The following ATP8A2 variants were observed in gnomAD, a reference collection of about 807,000 sequenced individuals.
ATP8A2 encodes ATPase phospholipid transporting 8A2.
A neutral mutation model predicts 165.6 loss-of-function variants in ATP8A2; 100 were observed. The observed-to-expected ratio is 0.60, with a 90% CI of 0.51 to 0.71. The LOEUF (loss-of-function observed/expected upper bound fraction) is 0.71, where lower values mean the gene tolerates loss of function less well. ATP8A2 is among the 30% of genes least tolerant of loss of function. The probability of loss-of-function intolerance (pLI) is 0.00; values close to 1 mark genes in which losing one functional copy is unlikely to be tolerated. For missense variants in ATP8A2, 1,227 were observed against 1,479.5 expected (o/e 0.83, Z 2.80); for synonymous variants, 543 against 548.8 (o/e 0.99, Z 0.15).
chr13:25,802,145 A>C (rs1022745404), intron 27 of ATP8A2, among the ~76,000 whole-genome samples: 2 of 152,238 alleles, frequency 1.3e-5, no homozygotes, highest in Non-Finnish European at 2.9e-5. Flanking sequence ...GAACTTTAAA[A>C]AGTTTTGCCT....
intron 29 of ATP8A2, among the ~76,000 whole-genome samples, chr13:25,838,429 A>G (rs1178253581): frequency 6.6e-6 from 1 of 152,182 alleles, no homozygotes; most frequent in African/African-American, 2.4e-5. Context: ...CGTTAATGGG[A>G]AAATATGACC....
intron 32 of ATP8A2, among the ~76,000 whole-genome samples, chr13:25,861,522 G>T (rs1002977147): frequency 6.6e-6 from 1 of 152,202 alleles, no homozygotes; most frequent in Admixed American, 6.5e-5. Flanking sequence ...TGACCTGGCT[G>T]CTGTTTAAAT....
intron 27 of ATP8A2, among the ~76,000 whole-genome samples, chr13:25,789,286 G>A (rs557981737): frequency 3.3e-5 from 5 of 152,134 alleles, no homozygotes; most frequent in South Asian, 4.2e-4. Context: ...AACTTGTTTC[G>A]AATTTTGTAA....
chr13:25,595,133 A>T (rs1002750205), intron 24 of ATP8A2, among the ~76,000 whole-genome samples: 1 of 152,100 alleles, frequency 6.6e-6, no homozygotes, highest in Non-Finnish European at 1.5e-5. Flanking sequence ...ATTGTGAAAC[A>T]TAAGAGATTT....
At chr13:25,859,930 TA>T (rs1433589684) in intron 30 of ATP8A2, among the ~76,000 whole-genome samples, 1 of 152,204 alleles carries the variant, frequency 6.6e-6, no homozygotes, top group African/African-American at 2.4e-5. Flanking sequence ...TTTTAATGTT[TA>T]CAAAAATGTA....
chr13:25,534,987 A>G (rs1461845186), intron 6 of ATP8A2, among the ~76,000 whole-genome samples: 1 of 152,168 alleles, frequency 6.6e-6, no homozygotes, highest in East Asian at 1.9e-4. Context: ...GAGAGAGGCA[A>G]CTAACCTAAC....
intron 24 of ATP8A2, among the ~76,000 whole-genome samples, chr13:25,643,585 T>C (rs1334438319): frequency 6.6e-6 from 1 of 152,146 alleles, no homozygotes; most frequent in Non-Finnish European, 1.5e-5. Context: ...ATTGACCGTA[T>C]ATGTGAGTTC....
chr13:25,513,416 C>T (rs1464370167), intron 2 of ATP8A2, among the ~76,000 whole-genome samples: 7 of 143,092 alleles, frequency 4.9e-5, no homozygotes, highest in South Asian at 2.2e-4. Context: ...CGGGAAGAGG[C>T]GCTCCTCACT....
chr13:26,020,274 CATT>C lies in ATP8A2; in HGVS notation c.*292_*294del. On this transcript the variant is annotated 3_prime_UTR_variant, in exon 37 of 37. Transcript: ENST00000381655. The stretch of plus-strand genomic sequence containing the variant: ...GCTCTGTGAGGTGTGAAATTAAAAA[CATT>C]ATGTTTCACCAATATTTAAACATCA... 1 of 394,198 alleles carries C rather than the reference CATT, an allele frequency of 2.5e-6. No homozygotes were observed. Among genetic ancestry groups the C allele is most frequent in the Admixed American group, 4.2e-5 (1 of 23,540 alleles). The allele number at this position is 394,198 out of a possible 1,614,324, so 24.4% of individuals were successfully genotyped here.
rs149066114 is a variant in ATP8A2 at position 25,520,847 on chromosome 13, C to G, written c.222-9152C>G. Among the ~76,000 whole-genome samples, 747 of 152,190 alleles carry G rather than the reference C, an allele frequency of 4.9e-3. 14 individuals carry two copies. Among genetic ancestry groups the G allele is most frequent in the African/African-American group, 0.016 (665 of 41,538 alleles). On this transcript the variant is annotated intron_variant, in intron 2 of 36. Transcript: ENST00000381655. ...GCCAGGATGGTCTCGATTTCCTGAC[C>G]TCGTGGTCTGCCCGCCTTGGCCTCC...
intron 33 of ATP8A2, among the ~76,000 whole-genome samples, chr13:25,875,455 T>G (rs1445970880): frequency 6.6e-6 from 1 of 151,818 alleles, no homozygotes; most frequent in Non-Finnish European, 1.5e-5. Context: ...GGGTCTGTAG[T>G]TGGCTCTGTG....
Position 25,862,303 on chromosome 13 carries a change from C to T in ATP8A2, c.3078C>T (p.Phe1026=). The T allele has an allele frequency of 6.2e-7, 1 of 1,613,386 alleles. No individual in the cohort carries two copies. The highest frequency in any genetic ancestry group is 2.2e-5 in the East Asian group (1 of 44,874). ...TGAGTGTCTATTTCCCTCTGCAGTT[C>T]AGTCATCTGGCTGTCTGGGGAAGCA... is the stretch of plus-strand genomic sequence containing the variant. ...AGLETTAWTK[F]SHLAVWGSML... is the part of the protein sequence containing the mutation. Residue 1026 remains phenylalanine (F), a splice_region_variant and synonymous_variant, in exon 33 of 37, where the codon TTC becomes TTT. Transcript: ENST00000381655.
Position 26,024,277 on chromosome 13 carries a change from T to C in ATP8A2, c.*4292T>C, listed in dbSNP as rs1957126489. The C allele has an allele frequency of 6.6e-6, 1 of 152,116 alleles. No homozygotes were observed. The allele number at this position is 152,116 out of a possible 1,614,324, so 9.4% of individuals were successfully genotyped here. On this transcript the variant is annotated 3_prime_UTR_variant, in exon 37 of 37. Coordinates refer to ENST00000381655, the MANE Select transcript of ATP8A2 (RefSeq NM_016529.6). ...GACATCATTAGGCATTCTTGAAAGG[T>C]GTTAACAGACCAGCACGCTCGATGT...
chr13:25,398,818 C>T (rs2033520653), intron 1 of ATP8A2, among the ~76,000 whole-genome samples: 1 of 152,042 alleles, frequency 6.6e-6, no homozygotes, highest in South Asian at 2.1e-4. Flanking sequence ...GAGCATCCTT[C>T]TCACCAGGTA....
At chr13:25,861,625 G>A (rs1459663290) in intron 32 of ATP8A2, among the ~76,000 whole-genome samples, 1 of 152,218 alleles carries the variant, frequency 6.6e-6, no homozygotes, top group African/African-American at 2.4e-5. Context: ...GGTCAGAGGT[G>A]ATGATGACTT....
At chr13:25,843,411 CCT>C (rs1951790427) in intron 30 of ATP8A2, among the ~76,000 whole-genome samples, 1 of 152,072 alleles carries the variant, frequency 6.6e-6, no homozygotes, top group Non-Finnish European at 1.5e-5. Context: ...TATGTCAAAA[CCT>C]CAAACTGTAA....
At chr13:25,377,133 A>C (rs2032659287) in intron 1 of ATP8A2, among the ~76,000 whole-genome samples, 1 of 152,234 alleles carries the variant, frequency 6.6e-6, no homozygotes, top group Non-Finnish European at 1.5e-5. Flanking sequence ...TATTTTCGAA[A>C]AAGTTTTTAA....
intron 33 of ATP8A2, among the ~76,000 whole-genome samples, chr13:25,901,952 T>G (rs1953762105): frequency 6.6e-6 from 1 of 152,240 alleles, no homozygotes; most frequent in African/African-American, 2.4e-5. Flanking sequence ...CAATATTAGC[T>G]GACCTACCAA....
intron 35 of ATP8A2, among the ~76,000 whole-genome samples, chr13:25,995,280 T>A (rs540248598): frequency 2.6e-5 from 4 of 151,850 alleles, no homozygotes; most frequent in African/African-American, 9.6e-5. Flanking sequence ...AGAAGCTCAA[T>A]AAAGAGCTTT....
Sources: gnomAD v4.1 joint callset for allele counts (sites outside exome capture counted in the v4.1 genomes callset) on GRCh38, gnomAD v4.1.1 for gene constraint, MANE v1.5 for transcripts, NCBI Gene and HGNC (gene_info 2026-07-23, HGNC 2026-07-21) for gene names.